TGFBI: variants seen among roughly 807,000 people sequenced by gnomAD.
TGFBI encodes the protein transforming growth factor-beta-induced protein ig-h3.
TGFBI carries 50 observed loss-of-function variants against 73.7 expected under a neutral mutation model. The observed-to-expected ratio is 0.68, with a 90% CI of 0.54 to 0.86. The LOEUF (loss-of-function observed/expected upper bound fraction) is 0.86. TGFBI is among the 40% of genes least tolerant of loss of function. The probability of loss-of-function intolerance (pLI) is 0.00; values close to 1 mark genes in which losing one functional copy is unlikely to be tolerated. For synonymous variants in TGFBI, 362 were observed against 360.5 expected, an observed-to-expected ratio of 1.00 and a Z score of -0.05; for missense variants, 839 against 877.0, an observed-to-expected ratio of 0.96 and a Z score of 0.55.
chr5:136,061,508 C>A lies in TGFBI; in HGVS notation c.1915C>A (p.Pro639Thr). 1 of 1,606,334 alleles carries A rather than the reference C, an allele frequency of 6.2e-7. No individual in the cohort carries two copies. The highest frequency in any genetic ancestry group is 8.5e-7 in the Non-Finnish European group (1 of 1,176,180). ...TNVLQPPANRPQERGDELADS... is the reference protein window; with the variant it reads ...TNVLQPPANRTQERGDELADS... The stretch of plus-strand genomic sequence containing the variant: ...TTTTCTTTCCTCTTCAGCCAACAGA[C>A]CTCAGGAAAGAGGGGATGAACTTGC... Residue 639 changes from proline (P) to threonine (T), a missense_variant, in exon 15 of 17, where the codon CCT becomes ACT. Transcript: ENST00000442011.
At chr5:136,041,969 C>T (rs535509065) in intron 2 of TGFBI, among the ~76,000 whole-genome samples, 2 of 152,210 alleles carry the variant, frequency 1.3e-5, no homozygotes, top group Non-Finnish European at 1.5e-5. Context: ...GAGAGTACTG[C>T]ACCCGTGTGC....
intron 2 of TGFBI, among the ~76,000 whole-genome samples, chr5:136,039,315 G>T (rs755189720): frequency 6.6e-6 from 1 of 152,188 alleles, no homozygotes; most frequent in Non-Finnish European, 1.5e-5. Flanking sequence ...CCTGGTCAAA[G>T]TCATTCACTG....
rs760908139 is a variant in TGFBI at position 136,056,800 on chromosome 5, A to G, written c.1678+5A>G. ...GAGAACGGAGCAGACTCTTGGGTAA[A>G]GACCAACTTAAGTACACGTCTCCAT... On this transcript the variant is annotated splice_donor_5th_base_variant and intron_variant, in intron 12 of 16. Transcript: ENST00000442011. 6.2e-7 allele frequency: 1 copy of G among 1,611,424 alleles called. No individual in the cohort carries two copies. Among genetic ancestry groups the G allele is most frequent in the South Asian group, 1.1e-5 (1 of 90,858 alleles).
Position 136,049,537 on chromosome 5 carries a change from T to A in TGFBI, c.870T>A (p.Ser290Arg). The A allele has an allele frequency of 6.2e-7, 1 of 1,613,460 alleles. No individual in the cohort carries two copies. The highest frequency in any genetic ancestry group is 8.5e-7 in the Non-Finnish European group (1 of 1,179,488). The part of the protein sequence containing the change: ...PTNEAFEKIP[S>R]ETLNRILGDP... ...ATGAGGCCTTCGAGAAGATCCCTAG[T>A]GAGACTTTGAACCGTATCCTGGGCG... is the stretch of plus-strand genomic sequence containing the variant. The change falls in exon 7 of 17, where the codon AGT (serine) becomes AGA (arginine). Residue 290 changes from serine (S) to arginine (R), a missense_variant. By Grantham distance (110) the Ser-to-Arg change is moderately radical. Transcript: ENST00000442011.
intron 2 of TGFBI, among the ~76,000 whole-genome samples, chr5:136,041,945 G>T (rs904919187): frequency 2.0e-5 from 3 of 152,196 alleles, no homozygotes; most frequent in Non-Finnish European, 4.4e-5. Flanking sequence ...CTTTCCCAGG[G>T]GCTCCATGCC....
chr5:136,031,988 G>A (rs1751129506), intron 1 of TGFBI, among the ~76,000 whole-genome samples: 2 of 152,212 alleles, frequency 1.3e-5, no homozygotes, highest in Admixed American at 6.5e-5. Context: ...ACGGAAAGTG[G>A]CAGGGAATTC....
In TGFBI at chr5:136,059,103, A is replaced by T. The variant is rs766520605; in HGVS notation, c.1692A>T (p.Glu564Asp). ...ERSRLLGDAK[E>D]LANILKYHIG... ...CGCAACCTGCAGGAGATGCCAAGGA[A>T]CTTGCCAACATCCTGAAATACCACA... Residue 564 changes from glutamate (E) to aspartate (D), a missense_variant, in exon 13 of 17, where the codon GAA (glutamate) becomes GAT (aspartate). Physicochemically the swap from Glu to Asp is conservative, Grantham distance 45 (BLOSUM62 2). Transcript: ENST00000442011. 6.2e-7 allele frequency: 1 copy of T among 1,611,630 alleles called. No homozygotes were observed. The highest frequency in any genetic ancestry group is 8.5e-7 in the Non-Finnish European group (1 of 1,179,082).
intron 3 of TGFBI, chr5:136,045,938 A>G (rs1224610884): frequency 6.3e-6 from 1 of 158,636 alleles, no homozygotes; most frequent in African/African-American, 2.4e-5. Context: ...GAGATTTATA[A>G]TAGTCTCTTA....
Position 136,049,512 on chromosome 5 carries a change from A to G in TGFBI, c.845A>G (p.Asn282Ser), listed in dbSNP as rs1191105949. The G allele has an allele frequency of 1.5e-5, 25 of 1,613,904 alleles. No homozygotes were observed. The highest frequency in any genetic ancestry group is 2.0e-5 in the Non-Finnish European group (24 of 1,179,894). ...CAGTACACGCTTTTGGCCCCGACCA[A>G]TGAGGCCTTCGAGAAGATCCCTAGT... ...NGQYTLLAPT[N>S]EAFEKIPSET... The change falls in exon 7 of 17, where the codon AAT (asparagine) becomes AGT (serine). Residue 282 changes from asparagine (N) to serine (S), a missense_variant. By Grantham distance (46) the Asn-to-Ser change is conservative. Coordinates refer to ENST00000442011, the MANE Select transcript of TGFBI (RefSeq NM_000358.3).
intron 1 of TGFBI, among the ~76,000 whole-genome samples, chr5:136,031,210 A>G (rs1050661316): frequency 6.6e-6 from 1 of 152,232 alleles, no homozygotes; most frequent in East Asian, 1.9e-4. Flanking sequence ...TTGCAGGCAC[A>G]GTTGTATTTA....
rs190191005 is a variant in TGFBI, at chr5:136,054,828, C to T, written c.1377C>T (p.Gly459=). The T allele has an allele frequency of 2.5e-4, 409 of 1,613,612 alleles. No homozygotes were observed. The African/African-American group carries it at 3.8e-3, about 15-fold the overall frequency. ...ATGGACAGACCCTGGAAACTCTGGG[C>T]GGCAAAAAACTGAGAGTTTTTGTTT... The part of the protein sequence containing the change: ...LYHGQTLETL[G]GKKLRVFVYR... Residue 459 remains glycine, a synonymous_variant, in exon 10 of 17, where the codon GGC becomes GGT. Transcript: ENST00000442011.
chr5:136,030,447 G>A (rs2237063), intron 1 of TGFBI, among the ~76,000 whole-genome samples: 31,439 of 152,002 alleles, frequency 0.21, 3,394 homozygotes, highest in Admixed American at 0.3. Flanking sequence ...GGGCTCTGGC[G>A]GAGAGGGCCT....
chr5:136,046,684 C>G, intron 4 of TGFBI, 167 bp from the exon 5 acceptor site: 1 of 1,201,818 alleles, frequency 8.3e-7, no homozygotes, highest in Non-Finnish European at 1.1e-6. Flanking sequence ...TAATGCCCCC[C>G]GTTCCCTACT....
chr5:136,037,912 C>G (rs945874845), intron 2 of TGFBI, among the ~76,000 whole-genome samples: 2 of 152,126 alleles, frequency 1.3e-5, no homozygotes, highest in Non-Finnish European at 2.9e-5. Flanking sequence ...TGAAGAAGAG[C>G]TGTCGTTTTC....
At chr5:136,029,422 G>A (rs566596075) in intron 1 of TGFBI, among the ~76,000 whole-genome samples, 170 of 152,310 alleles carry the variant, frequency 1.1e-3, no homozygotes, top group Non-Finnish European at 8.5e-4. Context: ...GAAGGGAGTG[G>A]GGAAGTGGAC....
rs1204100257 is a variant in TGFBI, at chr5:136,046,453, C to T, written c.417C>T (p.Thr139=). 15 of 1,612,448 alleles carry T rather than the reference C, an allele frequency of 9.3e-6. No individual in the cohort carries two copies. The Admixed American group carries it at 2.3e-4, about 25-fold the overall frequency. Residue 139 remains threonine, a synonymous_variant, in exon 4 of 17, where the codon ACC becomes ACT. Transcript: ENST00000442011. ...RPEMEGPGSF[T]IFAPSNEAWA... ...AGATGGAGGGGCCCGGCAGCTTCACCATCTTCGCCCCTAGCAACGAGGCCT... is the reference window on the plus strand; with the variant it reads ...AGATGGAGGGGCCCGGCAGCTTCACTATCTTCGCCCCTAGCAACGAGGCCT...
intron 1 of TGFBI, among the ~76,000 whole-genome samples, chr5:136,032,866 C>T (rs1362769389): frequency 6.6e-6 from 1 of 152,176 alleles, no homozygotes; most frequent in East Asian, 1.9e-4. Flanking sequence ...TTGAAAAAAA[C>T]ATGCAAAACC....
rs747929238 is a variant in TGFBI at position 136,053,972 on chromosome 5, T to A, written c.1156T>A (p.Ser386Thr). 6.2e-7 allele frequency: 1 copy of A among 1,614,032 alleles called. No individual in the cohort carries two copies. Among genetic ancestry groups the A allele is most frequent in the East Asian group, 2.2e-5 (1 of 44,880 alleles). ...GACACTATTTGAATTGGCTGCAGAGTCTGATGTGTCCACAGCCATTGACCT... is the reference window on the plus strand; with the variant it reads ...GACACTATTTGAATTGGCTGCAGAGACTGATGTGTCCACAGCCATTGACCT... ...AKTLFELAAE[S>T]DVSTAIDLFR... Residue 386 changes from serine to threonine, a missense_variant, in exon 9 of 17, where the codon TCT becomes ACT. Ser to Thr is a moderately conservative substitution (Grantham distance 58). Coordinates refer to ENST00000442011, the MANE Select transcript of TGFBI (RefSeq NM_000358.3).
rs369126704 is a variant in TGFBI at position 136,046,510 on chromosome 5, G to A, written c.459+15G>A. The A allele has an allele frequency of 1.9e-5, 31 of 1,591,958 alleles. No homozygotes were observed. The highest frequency in any genetic ancestry group is 1.7e-4 in the Middle Eastern group (1 of 5,988). On this transcript the variant is annotated intron_variant, in intron 4 of 16. Transcript: ENST00000442011. ...CCTTGCCAGCTGTGAGATGACCTCC[G>A]TCTGCCCGGGGGACTCTTATGGGGA...
Sources: allele counts gnomAD v4.1 joint callset (sites outside exome capture counted in the v4.1 genomes callset), GRCh38; gene constraint gnomAD v4.1.1; transcripts MANE v1.5; gene names NCBI Gene and HGNC (gene_info 2026-07-23, HGNC 2026-07-21).